Variants in ARHGAP44 observed in about 807,000 individuals in gnomAD.
ARHGAP44 encodes Rho GTPase activating protein 44, also known as rho GTPase-activating protein 44.
In ARHGAP44, 43 loss-of-function variants were observed where a neutral mutation model predicts 106.8. That is an observed-to-expected ratio of 0.40 (90% CI 0.32 to 0.52). The LOEUF is 0.52. ARHGAP44 is among the 20% of genes least tolerant of loss of function. The probability of loss-of-function intolerance (pLI) is 0.48; values close to 1 mark genes in which losing one functional copy is unlikely to be tolerated. For synonymous variants in ARHGAP44, 439 were observed against 410.3 expected, an observed-to-expected ratio of 1.07 and a Z score of -0.85; for missense variants, 866 against 1,050.5, an observed-to-expected ratio of 0.82 and a Z score of 2.43.
intron 6 of ARHGAP44, among the ~76,000 whole-genome samples, chr17:12,923,511 C>T (rs1241735846): frequency 6.6e-6 from 1 of 151,962 alleles, no homozygotes; most frequent in Admixed American, 6.6e-5. Context: ...GCCACTGTGC[C>T]CGGCCGCTTT....
intron 1 of ARHGAP44, among the ~76,000 whole-genome samples, chr17:12,831,995 G>A (rs1400374303): frequency 6.6e-6 from 1 of 152,156 alleles, no homozygotes; most frequent in Non-Finnish European, 1.5e-5. Flanking sequence ...TATAGGCCAA[G>A]ACTGAAGCCT....
chr17:12,914,068 T>C (rs958699465), intron 4 of ARHGAP44, among the ~76,000 whole-genome samples: 4 of 147,788 alleles, frequency 2.7e-5, no homozygotes, highest in African/African-American at 1.0e-4. Context: ...AGAGTGAAAA[T>C]CTGCCTTCAC....
In ARHGAP44 at chr17:12,958,353, G is replaced by GTAGT. The variant is rs1401486873; in HGVS notation, c.1343-363_1343-360dup. Among the ~76,000 whole-genome samples, 1 of 152,142 alleles carries GTAGT rather than the reference G, an allele frequency of 6.6e-6. No homozygotes were observed. The highest frequency in any genetic ancestry group is 2.4e-5 in the African/African-American group (1 of 41,442). On this transcript the variant is annotated intron_variant, in intron 15 of 20. Coordinates refer to ENST00000379672, the MANE Select transcript of ARHGAP44 (RefSeq NM_014859.6). The surrounding 1 kb of genome is among the most constrained non-coding windows in gnomAD (Gnocchi z 4.1). ...GTTTCTCAAATGGTGTTAAGTAATG[G>GTAGT]TAGTGGTAGTGAGCATTGCCATTTC...
At chr17:12,941,978 A>G (rs1567699303) in intron 8 of ARHGAP44, among the ~76,000 whole-genome samples, 1 of 152,210 alleles carries the variant, frequency 6.6e-6, no homozygotes, top group Non-Finnish European at 1.5e-5. Context: ...GAGGAAAATC[A>G]AGAAATTCTG....
intron 1 of ARHGAP44, among the ~76,000 whole-genome samples, chr17:12,890,413 G>A (rs1488713066): frequency 6.6e-6 from 1 of 152,176 alleles, no homozygotes; most frequent in African/African-American, 2.4e-5. Context: ...ATGCCCTCTG[G>A]AGAGCAGCAG....
intron 1 of ARHGAP44, among the ~76,000 whole-genome samples, chr17:12,839,621 G>A (rs1458750549): frequency 1.3e-5 from 2 of 152,178 alleles, no homozygotes; most frequent in Non-Finnish European, 2.9e-5. Context: ...TTGCAAACCA[G>A]ATGAGTGGAA....
At chr17:12,887,166 G>A (rs1414155438) in intron 1 of ARHGAP44, among the ~76,000 whole-genome samples, 1 of 152,044 alleles carries the variant, frequency 6.6e-6, no homozygotes, top group Non-Finnish European at 1.5e-5. Context: ...TCATAATGGT[G>A]AATTAGTCAT....
At chr17:12,814,583 A>T (rs1439525192) in intron 1 of ARHGAP44, among the ~76,000 whole-genome samples, 1 of 152,144 alleles carries the variant, frequency 6.6e-6, no homozygotes, top group Non-Finnish European at 1.5e-5. Context: ...GAGCAGATAT[A>T]GATTAATTCT....
At chr17:12,795,393 C>G (rs978753631) in intron 1 of ARHGAP44, among the ~76,000 whole-genome samples, 2 of 152,316 alleles carry the variant, frequency 1.3e-5, no homozygotes, top group Admixed American at 1.3e-4. Context: ...CAGCAGTCAG[C>G]CTGAAGCTGT....
At chr17:12,907,955 CCTT>C (rs1042018869) in intron 3 of ARHGAP44, among the ~76,000 whole-genome samples, 10 of 151,284 alleles carry the variant, frequency 6.6e-5, no homozygotes, top group African/African-American at 2.2e-4. Context: ...GCTCACCAAT[CCTT>C]ATTTTTTTTT....
At chr17:12,883,114 CTCTGTAT>C (rs1303263861) in intron 1 of ARHGAP44, among the ~76,000 whole-genome samples, 1 of 149,892 alleles carries the variant, frequency 6.7e-6, no homozygotes, top group African/African-American at 2.4e-5. Flanking sequence ...CTCAGGCTTC[CTCTGTAT>C]TCTTTAGTGA....
At chr17:12,975,526 C>T (rs921200765) in intron 18 of ARHGAP44, among the ~76,000 whole-genome samples, 19 of 152,090 alleles carry the variant, frequency 1.2e-4, no homozygotes, top group East Asian at 7.8e-4. Flanking sequence ...TGGCCGGGCA[C>T]GGTGGCTCAC....
intron 1 of ARHGAP44, among the ~76,000 whole-genome samples, chr17:12,857,040 T>C (rs1047811270): frequency 3.2e-4 from 49 of 152,312 alleles, no homozygotes; most frequent in African/African-American, 1.1e-3. Context: ...ATTTTAGATA[T>C]ATATAAATTG....
Position 12,790,585 on chromosome 17 carries a change from A to G in ARHGAP44, c.53+694A>G, listed in dbSNP as rs186322349. 625 of 152,554 alleles carry G rather than the reference A, an allele frequency of 4.1e-3. 2 individuals carry two copies. The highest frequency in any genetic ancestry group is 0.014 in the African/African-American group (573 of 41,512). The allele number at this position is 152,554 out of a possible 1,614,324, so 9.5% of individuals were successfully genotyped here. On this transcript the variant is annotated intron_variant, in intron 1 of 20. Coordinates refer to ENST00000379672, the MANE Select transcript of ARHGAP44 (RefSeq NM_014859.6). ...GCCCAAGTCCTCGGGAAGATGAGAT[A>G]AGCAGAGAATCGCAGCCAGGTAGGG...
intron 7 of ARHGAP44, among the ~76,000 whole-genome samples, chr17:12,939,762 G>A (rs992635129): frequency 3.3e-5 from 5 of 152,178 alleles, no homozygotes; most frequent in Non-Finnish European, 5.9e-5. Context: ...CACCACGCCC[G>A]GCCAATGAAT....
At chr17:12,974,421 C>T in intron 18 of ARHGAP44, 111 bp downstream of exon 18, 3 of 911,814 alleles carry the variant, frequency 3.3e-6, no homozygotes, top group Non-Finnish European at 4.5e-6. Flanking sequence ...CCCCCGCCCC[C>T]ATTTCTAAGC....
At chr17:12,851,324 G>A (rs2035732820) in intron 1 of ARHGAP44, among the ~76,000 whole-genome samples, 2 of 152,036 alleles carry the variant, frequency 1.3e-5, no homozygotes, top group African/African-American at 4.8e-5. Flanking sequence ...TAGAAGTCTT[G>A]AAAAAAATCA....
intron 1 of ARHGAP44, among the ~76,000 whole-genome samples, chr17:12,826,542 C>G (rs1416412683): frequency 6.6e-6 from 1 of 152,094 alleles, no homozygotes; most frequent in Non-Finnish European, 1.5e-5. Flanking sequence ...TTTTTATTTC[C>G]TAATGCTCTT....
At chr17:12,824,154 T>C (rs544651994) in intron 1 of ARHGAP44, among the ~76,000 whole-genome samples, 1 of 152,246 alleles carries the variant, frequency 6.6e-6, no homozygotes, top group African/African-American at 2.4e-5. Context: ...TGCAATTTTC[T>C]TCATGCCCTT....
Sources: allele counts gnomAD v4.1 joint callset (sites outside exome capture counted in the v4.1 genomes callset), GRCh38; gene constraint gnomAD v4.1.1; non-coding constraint Gnocchi (gnomAD v3.1); transcripts MANE v1.5; gene names NCBI Gene and HGNC (gene_info 2026-07-23, HGNC 2026-07-21).